ASIC2: variants seen among roughly 807,000 people sequenced by gnomAD.
ASIC2 encodes the protein acid-sensing ion channel 2.
A neutral mutation model predicts 57.3 loss-of-function variants in ASIC2; 25 were observed. The ratio of observed to expected loss-of-function variants is 0.44; its 90% CI spans 0.32 to 0.61. The LOEUF (loss-of-function observed/expected upper bound fraction) is 0.61. Among genes scored for constraint, ASIC2 ranks in the 20% least tolerant of loss-of-function variants. The pLI, the probability that ASIC2 is intolerant of heterozygous loss-of-function variation, is 0.06. For missense variants in ASIC2, 641 were observed against 738.1 expected (o/e 0.87, Z 1.52); for synonymous variants, 319 against 307.5 (o/e 1.04, Z -0.39).
At position 33,971,502 on chromosome 17, in the gene ASIC2, C is replaced by T. The variant is rs373803919; in HGVS notation, c.555+184476G>A. Among the ~76,000 whole-genome samples the T allele has an allele frequency of 2.1e-4, 32 of 152,260 alleles. No individual in the cohort carries two copies. The East Asian group carries it at 5.2e-3, about 25-fold the overall frequency. Reference sequence around the variant, plus strand: ...AAGTGACAGTTTGTGAATCCCTGTCCCTGCCCTCCCATTCATGCATAATGA... The same window carrying T: ...AAGTGACAGTTTGTGAATCCCTGTCTCTGCCCTCCCATTCATGCATAATGA... On this transcript the variant is annotated intron_variant, in intron 1 of 9. Transcript: ENST00000359872.
chr17:33,506,832 G>A (rs527645464), intron 1 of ASIC2, among the ~76,000 whole-genome samples: 45 of 152,230 alleles, frequency 3.0e-4, no homozygotes, highest in East Asian at 1.7e-3. Context: ...CCTGGCAAGC[G>A]GCAGATGCTC....
intron 1 of ASIC2, among the ~76,000 whole-genome samples, chr17:33,319,941 C>G (rs1906804787): frequency 6.6e-6 from 1 of 152,176 alleles, no homozygotes; most frequent in Admixed American, 6.5e-5. Flanking sequence ...TAGGAAAACT[C>G]TAGGATTTGG....
At chr17:34,070,194 A>G (rs563621437) in intron 1 of ASIC2, 1 of 152,216 alleles carries the variant, frequency 6.6e-6, no homozygotes, top group African/African-American at 2.4e-5. Context: ...CTGGTGCACG[A>G]ACAAGTTTTG....
intron 1 of ASIC2, among the ~76,000 whole-genome samples, chr17:33,707,033 G>A (rs539691056): frequency 2.0e-5 from 3 of 152,168 alleles, no homozygotes; most frequent in Non-Finnish European, 4.4e-5. Context: ...TCTTGACTAT[G>A]CATAGAAATC....
intron 1 of ASIC2, among the ~76,000 whole-genome samples, chr17:34,147,794 A>G (rs1026104654): frequency 6.6e-6 from 1 of 152,184 alleles, no homozygotes; most frequent in African/African-American, 2.4e-5. Flanking sequence ...GCACACAGCA[A>G]ATTTTCAGGT....
chr17:33,126,558 G>A (rs1301231648), intron 1 of ASIC2, among the ~76,000 whole-genome samples: 16 of 152,128 alleles, frequency 1.1e-4, no homozygotes, highest in Admixed American at 1.0e-3. Flanking sequence ...GCTGAGGTGG[G>A]GAGATCACTT....
chr17:33,100,137 A>T (rs1247698240), intron 2 of ASIC2: 1 of 152,252 alleles, frequency 6.6e-6, no homozygotes, highest in Non-Finnish European at 1.5e-5. Flanking sequence ...CAGAGACTCT[A>T]TGCGTCTAAC....
intron 1 of ASIC2, among the ~76,000 whole-genome samples, chr17:33,965,640 T>C (rs1905054265): frequency 6.6e-6 from 1 of 152,170 alleles, no homozygotes; most frequent in Admixed American, 6.5e-5. Flanking sequence ...TTTCTTTCCA[T>C]TTTAAAGAGG....
At chr17:33,283,606 C>T (rs529693045) in intron 1 of ASIC2, among the ~76,000 whole-genome samples, 7 of 152,202 alleles carry the variant, frequency 4.6e-5, no homozygotes, top group East Asian at 1.9e-4. Context: ...AATCTCAAAC[C>T]GACACTGACC....
At chr17:34,068,276 C>T (rs1909247313) in intron 1 of ASIC2, among the ~76,000 whole-genome samples, 1 of 152,054 alleles carries the variant, frequency 6.6e-6, no homozygotes, top group Admixed American at 6.5e-5. Context: ...GAGAAGGGGA[C>T]CAGGAATCAG....
At position 33,899,837 on chromosome 17, in the gene ASIC2, G is replaced by C. The variant is rs544305326; in HGVS notation, c.555+256141C>G. Among the ~76,000 whole-genome samples the C allele has an allele frequency of 8.5e-5, 13 of 152,224 alleles. No homozygotes were observed. In the South Asian group the frequency reaches 2.5e-3, roughly 29 times the overall value. ...CCAGCACTTAACTTATTTCATATAA[G>C]AGTGCAGGTTATAAGATTTAAAGTT... On this transcript the variant is annotated intron_variant, in intron 1 of 9. Coordinates refer to the ASIC2 transcript ENST00000359872.
At chr17:33,811,149 A>G (rs895275690) in intron 1 of ASIC2, among the ~76,000 whole-genome samples, 1 of 152,174 alleles carries the variant, frequency 6.6e-6, no homozygotes, top group African/African-American at 2.4e-5. Context: ...CCTGCAGGTC[A>G]ATTGGAAAAG....
At chr17:33,396,681 C>T (rs1277115397) in intron 1 of ASIC2, among the ~76,000 whole-genome samples, 1 of 152,130 alleles carries the variant, frequency 6.6e-6, no homozygotes, top group Non-Finnish European at 1.5e-5. Context: ...TCATTTGAGG[C>T]TAAGGTAGAG....
At chr17:33,845,715 T>C (rs1194433113) in intron 1 of ASIC2, among the ~76,000 whole-genome samples, 1 of 152,198 alleles carries the variant, frequency 6.6e-6, no homozygotes, top group Non-Finnish European at 1.5e-5. Context: ...TCTCATGCAA[T>C]GTATATACAT....
rs375126842 is a variant in ASIC2, at chr17:33,892,119, C to T, written c.555+263859G>A. ...CCAGGACTACAACAGTGAATAAACT[C>T]GGCAAGGTTCTTGTTGTAACAGAGT... On this transcript the variant is annotated intron_variant, in intron 1 of 9. Coordinates refer to the ASIC2 transcript ENST00000359872. Among the ~76,000 whole-genome samples, 266 of 152,184 alleles carry T rather than the reference C, an allele frequency of 1.7e-3. 1 individual carries two copies. Among genetic ancestry groups the T allele is most frequent in the South Asian group, 0.011 (55 of 4,818 alleles).
chr17:33,658,335 G>A (rs1907141620), intron 1 of ASIC2, among the ~76,000 whole-genome samples: 1 of 152,216 alleles, frequency 6.6e-6, no homozygotes, highest in Admixed American at 6.5e-5. Context: ...GGGAAAGTTT[G>A]TGCAGTCCTC....
chr17:33,924,853 G>A (rs762809629), intron 1 of ASIC2, among the ~76,000 whole-genome samples: 3 of 152,230 alleles, frequency 2.0e-5, no homozygotes, highest in Non-Finnish European at 2.9e-5. Context: ...CTGCAGAGGT[G>A]TGGTGGGCAG....
At chr17:33,396,296 A>G (rs1193341928) in intron 1 of ASIC2, among the ~76,000 whole-genome samples, 2 of 152,184 alleles carry the variant, frequency 1.3e-5, no homozygotes, top group Non-Finnish European at 2.9e-5. Context: ...TAGAAAATCA[A>G]CCTTTGTAAC....
At chr17:33,265,652 TG>T (rs1909431121) in intron 1 of ASIC2, among the ~76,000 whole-genome samples, 1 of 152,142 alleles carries the variant, frequency 6.6e-6, no homozygotes, top group Non-Finnish European at 1.5e-5. Context: ...ACATGAACCC[TG>T]GAATGTAAAA....
Sources: allele counts gnomAD v4.1 joint callset (sites outside exome capture counted in the v4.1 genomes callset), GRCh38; gene constraint gnomAD v4.1.1; transcripts MANE v1.5; gene names NCBI Gene and HGNC (gene_info 2026-07-23, HGNC 2026-07-21).